The following TCF12 variants were observed in gnomAD, a reference collection of about 807,000 sequenced individuals.
TCF12 encodes the protein transcription factor 12.
A neutral mutation model predicts 86.0 loss-of-function variants in TCF12; 45 were observed. The observed-to-expected ratio is 0.52, with a 90% confidence interval of 0.41 to 0.67. The LOEUF (loss-of-function observed/expected upper bound fraction) is 0.67, where lower values mean the gene tolerates loss of function less well. TCF12 is among the 30% of genes least tolerant of loss of function. The probability of loss-of-function intolerance (pLI) is 0.00; values close to 1 mark genes in which losing one functional copy is unlikely to be tolerated. For missense variants in TCF12, 881 were observed against 859.9 expected, an observed-to-expected ratio of 1.02 and a Z score of -0.31; for synonymous variants, 330 against 299.6, an observed-to-expected ratio of 1.10 and a Z score of -1.05.
intron 3 of TCF12, among the ~76,000 whole-genome samples, chr15:56,960,791 G>T (rs566074768): frequency 6.6e-6 from 1 of 151,902 alleles, no homozygotes; most frequent in Non-Finnish European, 1.5e-5. Flanking sequence ...CTTTAATCAT[G>T]ATTCTTTTAA....
chr15:57,138,818 C>G (rs147090196), intron 5 of TCF12, among the ~76,000 whole-genome samples: 1 of 152,026 alleles, frequency 6.6e-6, no homozygotes, highest in African/African-American at 2.4e-5. Context: ...TTTTTAAGCG[C>G]GTGCTACCAA....
chr15:57,066,219 C>G (rs889257789), intron 4 of TCF12, among the ~76,000 whole-genome samples: 5 of 152,124 alleles, frequency 3.3e-5, no homozygotes, highest in Non-Finnish European at 1.5e-5. Context: ...TATTCACCAT[C>G]TTGACCATTT....
At chr15:57,233,028 T>C (rs2059217477) in intron 11 of TCF12, among the ~76,000 whole-genome samples, 172 bp downstream of exon 11, 1 of 118,286 alleles carries the variant, frequency 8.5e-6, no homozygotes, top group East Asian at 2.3e-4. Context: ...TGTATATATG[T>C]GTGTATATAT....
At chr15:57,056,931 A>C (rs868203026) in intron 3 of TCF12, among the ~76,000 whole-genome samples, 2 of 151,788 alleles carry the variant, frequency 1.3e-5, no homozygotes, top group Middle Eastern at 3.4e-3. Context: ...TCTGGTGATT[A>C]TCTTTTCCCT....
Position 57,273,010 on chromosome 15 carries a change from G to A in TCF12, c.1746-20G>A, listed in dbSNP as rs1254114113. ...CTTTATAGGAAACCTAATAGACCTT[G>A]TTGTTACTTTATTTTCTAGCAGTAC... On this transcript the variant is annotated intron_variant, in intron 18 of 20. Coordinates refer to ENST00000333725, the MANE Select transcript of TCF12 (RefSeq NM_207037.2). 5 of 1,608,704 alleles carry A rather than the reference G, an allele frequency of 3.1e-6. No individual in the cohort carries two copies. The highest frequency in any genetic ancestry group is 2.2e-5 in the East Asian group (1 of 44,814).
At chr15:57,070,867 G>A (rs2069313443) in intron 4 of TCF12, among the ~76,000 whole-genome samples, 1 of 152,170 alleles carries the variant, frequency 6.6e-6, no homozygotes, top group African/African-American at 2.4e-5. Context: ...ACATTTGACA[G>A]CAGATGCCTT....
intron 6 of TCF12, among the ~76,000 whole-genome samples, chr15:57,187,842 A>G (rs1001751483): frequency 2.0e-5 from 3 of 152,176 alleles, no homozygotes; most frequent in Admixed American, 6.5e-5. Flanking sequence ...AGGCAGGAGA[A>G]TCGCTTGAAC....
intron 3 of TCF12, among the ~76,000 whole-genome samples, chr15:56,961,993 G>A (rs1035643169): frequency 2.0e-5 from 3 of 152,016 alleles, no homozygotes; most frequent in South Asian, 2.1e-4. Flanking sequence ...TTAGCCGGGC[G>A]TGGTGGCGGG....
At chr15:57,111,703 G>A (rs1377714619) in intron 5 of TCF12, among the ~76,000 whole-genome samples, 2 of 150,492 alleles carry the variant, frequency 1.3e-5, no homozygotes, top group Non-Finnish European at 3.0e-5. Context: ...GTGATCCTTC[G>A]GGCTCAGCCC....
At chr15:57,066,901 A>G (rs1172965317) in intron 4 of TCF12, among the ~76,000 whole-genome samples, 2 of 152,210 alleles carry the variant, frequency 1.3e-5, no homozygotes, top group Admixed American at 6.5e-5. Context: ...TTCAAGGGAA[A>G]TTTTTGCTAT....
intron 13 of TCF12, chr15:57,247,186 A>G (rs2059905350): frequency 1.3e-5 from 8 of 598,086 alleles, no homozygotes; most frequent in Non-Finnish European, 2.5e-5. Flanking sequence ...GTCCATCACC[A>G]TCATAGCCCC....
chr15:57,270,553 C>G (rs1299553184), intron 18 of TCF12, among the ~76,000 whole-genome samples: 1 of 152,154 alleles, frequency 6.6e-6, no homozygotes, highest in Non-Finnish European at 1.5e-5. Flanking sequence ...CCTCCTGAAG[C>G]CTACTTCTGT....
chr15:57,262,939 G>A (rs1401226772), intron 17 of TCF12, among the ~76,000 whole-genome samples, 173 bp from the exon 18 acceptor site: 1 of 152,192 alleles, frequency 6.6e-6, no homozygotes, highest in Non-Finnish European at 1.5e-5. Flanking sequence ...GCACAAGGAT[G>A]TGGATATATT....
chr15:57,063,842 C>G lies in TCF12; in HGVS notation c.222+19C>G. ...ATCTAGAGTAAGTTTGCTGATCAAC[C>G]CTTGATTAAAGCTGTAATTTGGCAG... On this transcript the variant is annotated intron_variant, in intron 4 of 20. Transcript: ENST00000333725. The G allele has an allele frequency of 6.5e-6, 10 of 1,549,698 alleles. No homozygotes were observed. Among genetic ancestry groups the G allele is most frequent in the Non-Finnish European group, 8.8e-6 (10 of 1,133,796 alleles).
At chr15:57,096,699 A>G (rs2049348639) in intron 5 of TCF12, among the ~76,000 whole-genome samples, 1 of 152,194 alleles carries the variant, frequency 6.6e-6, no homozygotes, top group South Asian at 2.1e-4. Flanking sequence ...TACATTCGGC[A>G]CAGATGCAAC....
At position 57,243,493 on chromosome 15, in the gene TCF12, A is replaced by G; in HGVS notation, c.1057A>G (p.Ser353Gly). 1 of 1,613,942 alleles carries G rather than the reference A, an allele frequency of 6.2e-7. No individual in the cohort carries two copies. Among genetic ancestry groups the G allele is most frequent in the Non-Finnish European group, 8.5e-7 (1 of 1,179,882 alleles). Reference protein sequence around the residue: ...LASIYSPDHTSSSFPSNPSTP... With the variant: ...LASIYSPDHTGSSFPSNPSTP... The stretch of plus-strand genomic sequence containing the variant: ...TTAGATTTATTCTCCTGACCATACC[A>G]GCAGTAGTTTTCCGTCAAATCCATC... Residue 353 changes from serine (S) to glycine (G), a missense_variant, in exon 13 of 21, where the codon AGC becomes GGC. Physicochemically the swap from Ser to Gly is moderately conservative, Grantham distance 56 (BLOSUM62 0). Coordinates refer to ENST00000333725, the MANE Select transcript of TCF12 (RefSeq NM_207037.2).
At chr15:56,921,675 C>G (rs1269619442) in intron 3 of TCF12, among the ~76,000 whole-genome samples, 3 of 151,824 alleles carry the variant, frequency 2.0e-5, no homozygotes, top group South Asian at 2.1e-4. Flanking sequence ...AAAAAAATAA[C>G]TAAAGCCATG....
chr15:56,931,772 A>G (rs1277502061), intron 3 of TCF12, among the ~76,000 whole-genome samples: 1 of 152,222 alleles, frequency 6.6e-6, no homozygotes, highest in Non-Finnish European at 1.5e-5. Flanking sequence ...ACTGTTTAAT[A>G]TAAACTAAGA....
intron 6 of TCF12, among the ~76,000 whole-genome samples, chr15:57,191,722 G>A (rs1226863589): frequency 6.6e-6 from 1 of 152,128 alleles, no homozygotes; most frequent in Non-Finnish European, 1.5e-5. Context: ...TGGATCACCT[G>A]AGGTCAGGAG....
Sources: gnomAD v4.1 joint callset for allele counts (sites outside exome capture counted in the v4.1 genomes callset) on GRCh38, gnomAD v4.1.1 for gene constraint, MANE v1.5 for transcripts, NCBI Gene and HGNC (gene_info 2026-07-23, HGNC 2026-07-21) for gene names.